The following TGDS variants were observed in gnomAD, a reference collection of about 807,000 sequenced individuals.
The protein encoded by TGDS is TDP-glucose 4,6-dehydratase, also known as UDP-D-glucose 4,6-dehydratase.
A neutral mutation model predicts 52.3 loss-of-function variants in TGDS; 47 were observed. The observed-to-expected ratio is 0.90, with a 90% CI of 0.71 to 1.15. The LOEUF (loss-of-function observed/expected upper bound fraction) is 1.15, where lower values mean the gene tolerates loss of function less well. Ranked by LOEUF, TGDS falls within the 50% of genes most tolerant of loss-of-function variation. The pLI is 0.00. For missense variants in TGDS, 375 were observed against 418.4 expected (o/e 0.90, Z 0.90); for synonymous variants, 115 against 136.9 (o/e 0.84, Z 1.12).
At position 94,576,406 on chromosome 13, in the gene TGDS, G is replaced by A; in HGVS notation, c.890C>T (p.Thr297Ile). The change falls in exon 11 of 12, where the codon ACC becomes ATC. Residue 297 changes from threonine (T) to isoleucine (I), a missense_variant. Thr to Ile is a moderately conservative substitution (Grantham distance 89). Coordinates refer to ENST00000261296, the MANE Select transcript of TGDS (RefSeq NM_014305.4). ...NWVDYVNDRP[T>I]NDMRYPMKSE... The stretch of plus-strand genomic sequence containing the variant: ...CTTCATTGGGTATCTCATGTCATTG[G>A]TGGGTCTTGGAAAACAAAACAGATT... The A allele has an allele frequency of 6.3e-7, 1 of 1,586,168 alleles. No homozygotes were observed.
chr13:94,585,695 T>C (rs956698472), intron 4 of TGDS, among the ~76,000 whole-genome samples: 1 of 150,790 alleles, frequency 6.6e-6, no homozygotes, highest in Non-Finnish European at 1.5e-5. Context: ...AGCTACTTGG[T>C]AGGCTGAAGC....
At chr13:94,578,284 T>G (rs1888672578) in intron 8 of TGDS, 114 bp from the exon 9 acceptor site, 1 of 996,558 alleles carries the variant, frequency 1.0e-6, no homozygotes, top group Admixed American at 3.0e-5. Context: ...TCCCAGAATC[T>G]TTACTGAAAA....
In TGDS at chr13:94,574,431, C is replaced by T. The variant is rs1320805844; in HGVS notation, c.*351G>A. 1.6e-5 allele frequency: 3 copies of T among 184,560 alleles called. No homozygotes were observed. Among genetic ancestry groups the T allele is most frequent in the Non-Finnish European group, 2.2e-5 (2 of 90,074 alleles). The allele number at this position is 184,560 out of a possible 1,614,324, so 11.4% of individuals were successfully genotyped here. ...CGAACATTTCAGAGACTTTCTTAGGCACTGAGTTCAAAACCAGTGAAGGTT... is the reference window on the plus strand; with the variant it reads ...CGAACATTTCAGAGACTTTCTTAGGTACTGAGTTCAAAACCAGTGAAGGTT... On this transcript the variant is annotated 3_prime_UTR_variant, in exon 12 of 12. Transcript: ENST00000261296.
chr13:94,595,082 G>C (rs542494761), intron 1 of TGDS, among the ~76,000 whole-genome samples: 2 of 152,154 alleles, frequency 1.3e-5, no homozygotes, highest in Non-Finnish European at 2.9e-5. Context: ...AGTTGGGAGA[G>C]GGGCTATTTT....
Position 94,596,151 on chromosome 13 carries a change from G to C in TGDS, c.-15C>G. On this transcript the variant is annotated 5_prime_UTR_variant, in exon 1 of 12. Transcript: ENST00000261296. ...GCCGCCGACATCTCCCAGCTCAGCA[G>C]TGCCTAGTACCGTAAAGAGTATGGT... 6.2e-7 allele frequency: 1 copy of C among 1,613,294 alleles called. No homozygotes were observed.
rs539366795 is a variant in TGDS, at chr13:94,591,727, T to C, written c.222+514A>G. On this transcript the variant is annotated intron_variant, in intron 3 of 11. Coordinates refer to ENST00000261296, the MANE Select transcript of TGDS (RefSeq NM_014305.4). Reference sequence around the variant, plus strand: ...ATATGTATTCTCGACAATTCTTCAGTAGCTGAAGAAAACACTTTCACACAG... The same window carrying C: ...ATATGTATTCTCGACAATTCTTCAGCAGCTGAAGAAAACACTTTCACACAG... Among the ~76,000 whole-genome samples, 17 of 152,362 alleles carry C rather than the reference T, an allele frequency of 1.1e-4. No homozygotes were observed. The South Asian group carries it at 1.4e-3, about 13-fold the overall frequency.
intron 9 of TGDS, 115 bp from the exon 10 acceptor site, chr13:94,577,544 T>G (rs1251900464): frequency 1.4e-5 from 10 of 726,590 alleles, no homozygotes; most frequent in Non-Finnish European, 2.1e-5. Flanking sequence ...GGAAGACAGC[T>G]AAAATGAACA....
chr13:94,595,919 C>T (rs1889359161), intron 1 of TGDS, 132 bp downstream of exon 1: 1 of 974,780 alleles, frequency 1.0e-6, no homozygotes, highest in South Asian at 1.4e-5. Context: ...CCAGGTCGTG[C>T]ATTAGGACCC....
chr13:94,579,311 T>C (rs1243779973), intron 7 of TGDS: 1 of 152,570 alleles, frequency 6.6e-6, no homozygotes, highest in African/African-American at 2.4e-5. Flanking sequence ...TAGCCAAAGT[T>C]ATATAAAATC....
At chr13:94,595,376 C>A (rs1889338398) in intron 1 of TGDS, among the ~76,000 whole-genome samples, 1 of 152,138 alleles carries the variant, frequency 6.6e-6, no homozygotes, top group African/African-American at 2.4e-5. Flanking sequence ...CCTGCTTCTA[C>A]CATGATCTGA....
At chr13:94,584,011 C>A (rs939693380) in intron 4 of TGDS, among the ~76,000 whole-genome samples, 1 of 152,194 alleles carries the variant, frequency 6.6e-6, no homozygotes, top group African/African-American at 2.4e-5. Flanking sequence ...TTCTTACTTA[C>A]CAGACTGGCA....
chr13:94,576,175 AAT>A, intron 11 of TGDS, 137 bp downstream of exon 11: 1 of 506,434 alleles, frequency 2.0e-6, no homozygotes, highest in Non-Finnish European at 3.3e-6. Flanking sequence ...TGCTACTAGA[AAT>A]ATATGAAATG....
chr13:94,593,815 A>C, intron 2 of TGDS, 26 bp downstream of exon 2: 2 of 1,405,862 alleles, frequency 1.4e-6, no homozygotes, highest in Non-Finnish European at 2.0e-6. Context: ...ATTTCAGTGC[A>C]TGATGCTCAT....
rs1594434854 is a variant in TGDS at position 94,574,839 on chromosome 13, T to C, written c.996A>G (p.Arg332=). The C allele has an allele frequency of 6.3e-7, 1 of 1,588,206 alleles. No homozygotes were observed. ...EGIKKTIEWY[R]ENFHNWKNVE... Reference sequence around the variant, plus strand: ...CATTCTTCCAGTTGTGAAAATTCTCTCTGTACCATTCAACTAATAGGAAAA... The same window carrying C: ...CATTCTTCCAGTTGTGAAAATTCTCCCTGTACCATTCAACTAATAGGAAAA... Residue 332 remains arginine (R), a synonymous_variant, in exon 12 of 12, where the codon AGA becomes AGG. Transcript: ENST00000261296.
chr13:94,580,952 G>A (rs1207962554), intron 6 of TGDS, 139 bp downstream of exon 6: 10 of 474,572 alleles, frequency 2.1e-5, no homozygotes, highest in Non-Finnish European at 2.8e-5. Flanking sequence ...CAGCCTGAGT[G>A]TCAGATTGCG....
intron 4 of TGDS, among the ~76,000 whole-genome samples, chr13:94,589,997 A>C (rs535046969): frequency 7.0e-6 from 1 of 142,694 alleles, no homozygotes; most frequent in East Asian, 2.0e-4. Context: ...AAAGAACCCA[A>C]ATGGCCATCA....
chr13:94,585,136 G>C (rs1888932656), intron 4 of TGDS, among the ~76,000 whole-genome samples: 1 of 151,578 alleles, frequency 6.6e-6, no homozygotes, highest in African/African-American at 2.4e-5. Context: ...TGCCACCTCT[G>C]CCTCCCAGAT....
At position 94,574,770 on chromosome 13, in the gene TGDS, T is replaced by TATAA; in HGVS notation, c.*8_*11dup. ...TCTTCTTTGACAACTGTCTCGACTA[T>TATAA]ATAAATGGTGATTATACCGGAAAGG... is the stretch of plus-strand genomic sequence containing the variant. On this transcript the variant is annotated 3_prime_UTR_variant, in exon 12 of 12. Coordinates refer to ENST00000261296, the MANE Select transcript of TGDS (RefSeq NM_014305.4). 1.9e-6 allele frequency: 3 copies of TATAA among 1,571,902 alleles called. No homozygotes were observed. Among genetic ancestry groups the TATAA allele is most frequent in the Non-Finnish European group, 2.6e-6 (3 of 1,145,038 alleles).
At chr13:94,595,673 A>G (rs1462857954) in intron 1 of TGDS, among the ~76,000 whole-genome samples, 2 of 152,130 alleles carry the variant, frequency 1.3e-5, no homozygotes, top group African/African-American at 4.8e-5. Flanking sequence ...TAGTCCTTAA[A>G]TCGTTTTGGG....
Sources: allele counts gnomAD v4.1 joint callset (sites outside exome capture counted in the v4.1 genomes callset), GRCh38; gene constraint gnomAD v4.1.1; transcripts MANE v1.5; gene names NCBI Gene and HGNC (gene_info 2026-07-23, HGNC 2026-07-21).